The following PTPRD variants were observed in gnomAD, a reference collection of about 807,000 sequenced individuals.
PTPRD encodes receptor-type tyrosine-protein phosphatase delta.
A neutral mutation model predicts 214.5 loss-of-function variants in PTPRD; 34 were observed. The observed-to-expected ratio is 0.16, with a 90% confidence interval of 0.12 to 0.21. The LOEUF is 0.21. Among genes scored for constraint, PTPRD ranks in the 10% least tolerant of loss-of-function variants. The pLI is 1.00. For missense variants in PTPRD, 2,545 were observed against 2,398.7 expected, an observed-to-expected ratio of 1.06 and a Z score of -1.27; for synonymous variants, 1,128 against 845.7, an observed-to-expected ratio of 1.33 and a Z score of -5.79.
At chr9:8,771,961 G>T (rs1165399671) in intron 11 of PTPRD, among the ~76,000 whole-genome samples, 2 of 151,918 alleles carry the variant, frequency 1.3e-5, no homozygotes, top group Admixed American at 6.6e-5. Context: ...ATATCAGACT[G>T]TAAGAATAAT....
chr9:9,288,870 G>C (rs991899381), intron 9 of PTPRD, among the ~76,000 whole-genome samples: 5 of 151,730 alleles, frequency 3.3e-5, no homozygotes, highest in African/African-American at 4.8e-5. Context: ...GGTTTTATAA[G>C]GGACTTTTCC....
chr9:9,107,077 T>C (rs897849815), intron 10 of PTPRD, among the ~76,000 whole-genome samples: 1 of 152,186 alleles, frequency 6.6e-6, no homozygotes, highest in Non-Finnish European at 1.5e-5. Flanking sequence ...GTTTTATGGA[T>C]TAGCATAACA....
At chr9:8,483,824 A>C (rs914340438) in intron 30 of PTPRD, among the ~76,000 whole-genome samples, 1 of 152,086 alleles carries the variant, frequency 6.6e-6, no homozygotes, top group Non-Finnish European at 1.5e-5. Context: ...ACAAACAAAC[A>C]AACAAAAAGC....
At chr9:9,980,239 A>C (rs2095492809) in intron 4 of PTPRD, among the ~76,000 whole-genome samples, 1 of 152,098 alleles carries the variant, frequency 6.6e-6, no homozygotes, top group East Asian at 1.9e-4. Flanking sequence ...ATTAAAACCA[A>C]TGAGTGATTT....
At chr9:8,371,349 A>G (rs1055398845) in intron 39 of PTPRD, among the ~76,000 whole-genome samples, 1 of 152,054 alleles carries the variant, frequency 6.6e-6, no homozygotes, top group Non-Finnish European at 1.5e-5. Flanking sequence ...TGGACAAGCA[A>G]TTATTGAGTG....
intron 11 of PTPRD, among the ~76,000 whole-genome samples, chr9:8,844,235 A>T (rs1230665241): frequency 1.3e-5 from 2 of 152,182 alleles, no homozygotes; most frequent in Non-Finnish European, 2.9e-5. Context: ...ATTTGCTTAC[A>T]TCATTATTTC....
At chr9:8,859,324 G>C (rs960891251) in intron 11 of PTPRD, among the ~76,000 whole-genome samples, 4 of 152,184 alleles carry the variant, frequency 2.6e-5, no homozygotes, top group African/African-American at 9.7e-5. Context: ...ACAACCCAAG[G>C]TGACTAAGGT....
intron 11 of PTPRD, among the ~76,000 whole-genome samples, chr9:8,850,169 G>A (rs1048672019): frequency 1.3e-5 from 2 of 152,110 alleles, no homozygotes; most frequent in African/African-American, 4.8e-5. Flanking sequence ...TGGGATACAG[G>A]AGAGCCTCCC....
At chr9:9,705,008 T>A (rs1203065222) in intron 7 of PTPRD, among the ~76,000 whole-genome samples, 1 of 152,210 alleles carries the variant, frequency 6.6e-6, no homozygotes, top group Non-Finnish European at 1.5e-5. Flanking sequence ...TAGCAACAGA[T>A]TAATGAAGTT....
chr9:10,131,893 T>C (rs2098891127), intron 3 of PTPRD, among the ~76,000 whole-genome samples: 1 of 152,106 alleles, frequency 6.6e-6, no homozygotes, highest in Non-Finnish European at 1.5e-5. Flanking sequence ...AATTACAAAC[T>C]GAAAATCAAA....
At chr9:8,944,224 T>G (rs558450957) in intron 11 of PTPRD, among the ~76,000 whole-genome samples, 3 of 152,090 alleles carry the variant, frequency 2.0e-5, no homozygotes, top group Non-Finnish European at 4.4e-5. Flanking sequence ...CCAGTTAAAA[T>G]GGCTTTTATC....
intron 10 of PTPRD, among the ~76,000 whole-genome samples, chr9:9,094,286 T>C (rs1259198392): frequency 6.6e-6 from 1 of 152,128 alleles, no homozygotes; most frequent in Non-Finnish European, 1.5e-5. Context: ...TAAGTGTCCA[T>C]CAACCAATGA....
intron 10 of PTPRD, among the ~76,000 whole-genome samples, chr9:9,056,183 C>T (rs185708092): frequency 9.9e-5 from 15 of 152,272 alleles, no homozygotes; most frequent in African/African-American, 3.6e-4. Flanking sequence ...TCTGTTGAGT[C>T]TACCACTGCA....
At chr9:9,170,749 C>A (rs192924320) in intron 10 of PTPRD, among the ~76,000 whole-genome samples, 26 of 152,238 alleles carry the variant, frequency 1.7e-4, no homozygotes, top group Admixed American at 1.2e-3. Context: ...GCTTATTGAT[C>A]CATCCAACCT....
intron 3 of PTPRD, among the ~76,000 whole-genome samples, chr9:10,255,088 G>A (rs533934443): frequency 6.6e-6 from 1 of 152,314 alleles, no homozygotes; most frequent in East Asian, 1.9e-4. Context: ...TAGCAAGAAT[G>A]TTTAATTTGC....
At chr9:9,836,111 G>T (rs1294211403) in intron 5 of PTPRD, among the ~76,000 whole-genome samples, 1 of 152,156 alleles carries the variant, frequency 6.6e-6, no homozygotes, top group Non-Finnish European at 1.5e-5. Context: ...ATCATGGGCA[G>T]AGCCCAATGG....
intron 3 of PTPRD, among the ~76,000 whole-genome samples, chr9:10,222,261 T>C (rs951738736): frequency 1.3e-5 from 2 of 152,096 alleles, no homozygotes; most frequent in African/African-American, 4.8e-5. Context: ...TAGTCTTACA[T>C]AGAGGTATTT....
intron 9 of PTPRD, among the ~76,000 whole-genome samples, chr9:9,218,461 C>T (rs1438368623): frequency 2.0e-5 from 3 of 152,160 alleles, no homozygotes; most frequent in South Asian, 2.1e-4. Flanking sequence ...ATTTCAGTCT[C>T]ATTCTGACAA....
intron 4 of PTPRD, among the ~76,000 whole-genome samples, chr9:10,027,645 G>A (rs946246533): frequency 6.6e-6 from 1 of 152,022 alleles, no homozygotes; most frequent in Non-Finnish European, 1.5e-5. Context: ...ACTGCCTATT[G>A]AAAAATTTTG....
Sources: gnomAD v4.1 joint callset for allele counts (sites outside exome capture counted in the v4.1 genomes callset) on GRCh38, gnomAD v4.1.1 for gene constraint, MANE v1.5 for transcripts, NCBI Gene and HGNC (gene_info 2026-07-23, HGNC 2026-07-21) for gene names.